CDC73: variants seen among roughly 807,000 people sequenced by gnomAD.
CDC73 encodes the protein cell division cycle 73.
CDC73 carries 21 observed loss-of-function variants against 83.7 expected under a neutral mutation model. The observed-to-expected ratio is 0.25, with a 90% confidence interval of 0.18 to 0.36. The LOEUF (loss-of-function observed/expected upper bound fraction) is 0.36, where lower values mean the gene tolerates loss of function less well. Ranked by LOEUF, CDC73 falls within the 10% of genes least tolerant of loss-of-function variation. The pLI is 1.00. For synonymous variants in CDC73, 224 were observed against 212.9 expected (o/e 1.05, Z -0.45); for missense variants, 342 against 653.3 (o/e 0.52, Z 5.19).
chr1:193,183,203 T>G (rs1676748870), intron 10 of CDC73, among the ~76,000 whole-genome samples: 1 of 151,688 alleles, frequency 6.6e-6, no homozygotes, highest in Admixed American at 6.6e-5. Context: ...TGAATGAAAG[T>G]GCTATTATAG....
Position 193,251,368 on chromosome 1 carries a change from G to T in CDC73, c.*656G>T, listed in dbSNP as rs1356246154. The stretch of plus-strand genomic sequence containing the variant: ...GTGATTTTGAAACCTAGAATGATGT[G>T]TTTCTATCTGTAATATCTTTCCATT... On this transcript the variant is annotated 3_prime_UTR_variant, in exon 17 of 17. Transcript: ENST00000367435. 4.3e-6 allele frequency: 1 copy of T among 231,788 alleles called. No homozygotes were observed. Among genetic ancestry groups the T allele is most frequent in the Non-Finnish European group, 8.6e-6 (1 of 116,944 alleles). 14.4% of individuals were successfully genotyped at this position (231,788 alleles called of 1,614,324 possible). A position where few individuals can be genotyped will look rare whatever the true frequency, so the allele number is the denominator to read the frequency against.
intron 10 of CDC73, among the ~76,000 whole-genome samples, chr1:193,199,031 C>G (rs1416309889): frequency 2.0e-5 from 3 of 151,910 alleles, no homozygotes; most frequent in African/African-American, 7.3e-5. Context: ...ATTTTATAGC[C>G]CTTTATCTGT....
At chr1:193,234,295 TATATA>T (rs1182867323) in intron 14 of CDC73, among the ~76,000 whole-genome samples, 3 of 139,588 alleles carry the variant, frequency 2.1e-5, no homozygotes, top group African/African-American at 5.3e-5. Context: ...ACATATTATA[TATATA>T]ATATAATTTA....
intron 10 of CDC73, among the ~76,000 whole-genome samples, chr1:193,154,867 A>G (rs1572163019): frequency 1.3e-5 from 2 of 152,220 alleles, no homozygotes; most frequent in South Asian, 4.2e-4. Context: ...TCCAGTCAAG[A>G]AAGTTTCTCC....
chr1:193,167,048 GTAT>G (rs1243166926), intron 10 of CDC73, among the ~76,000 whole-genome samples: 1 of 152,138 alleles, frequency 6.6e-6, no homozygotes, highest in African/African-American at 2.4e-5. Context: ...GAGATTTTAT[GTAT>G]TATTTCAAAA....
At chr1:193,248,580 TAAG>T (rs1677992357) in intron 15 of CDC73, among the ~76,000 whole-genome samples, 1 of 152,060 alleles carries the variant, frequency 6.6e-6, no homozygotes, top group South Asian at 2.1e-4. Context: ...TTTAATTTAA[TAAG>T]ATTTACCATT....
At chr1:193,214,142 T>G (rs1677322177) in intron 13 of CDC73, among the ~76,000 whole-genome samples, 1 of 152,236 alleles carries the variant, frequency 6.6e-6, no homozygotes, top group Non-Finnish European at 1.5e-5. Context: ...TTCTTAGTAC[T>G]GCCTACACTT....
chr1:193,243,793 CTGA>C (rs1677903177), intron 15 of CDC73, among the ~76,000 whole-genome samples: 1 of 151,932 alleles, frequency 6.6e-6, no homozygotes, highest in Non-Finnish European at 1.5e-5. Flanking sequence ...TAATTTATGT[CTGA>C]TGAAGAGACT....
At chr1:193,215,684 G>A (rs563897656) in intron 13 of CDC73, among the ~76,000 whole-genome samples, 8 of 151,674 alleles carry the variant, frequency 5.3e-5, no homozygotes, top group African/African-American at 1.9e-4. Context: ...CTGCCTCCTG[G>A]GCTCAAGCAA....
At chr1:193,215,240 A>G (rs1007442794) in intron 13 of CDC73, among the ~76,000 whole-genome samples, 1 of 152,230 alleles carries the variant, frequency 6.6e-6, no homozygotes, top group Non-Finnish European at 1.5e-5. Flanking sequence ...GAGAATGTAT[A>G]TAATAGTGAT....
At chr1:193,216,695 A>G (rs570922046) in intron 13 of CDC73, among the ~76,000 whole-genome samples, 4 of 152,300 alleles carry the variant, frequency 2.6e-5, no homozygotes, top group African/African-American at 9.6e-5. Flanking sequence ...TGCAAAAATC[A>G]ACAAAGTATT....
chr1:193,236,263 G>A lies in CDC73; in HGVS notation c.1324G>A (p.Val442Ile), dbSNP rs1677756402. 4 of 1,612,952 alleles carry A rather than the reference G, an allele frequency of 2.5e-6. No individual in the cohort carries two copies. The highest frequency in any genetic ancestry group is 3.4e-6 in the Non-Finnish European group (4 of 1,178,924). Residue 442 changes from valine (V) to isoleucine (I), a missense_variant, in exon 15 of 17, where the codon GTT becomes ATT. Val to Ile is a conservative substitution (Grantham distance 29). Coordinates refer to ENST00000367435, the MANE Select transcript of CDC73 (RefSeq NM_024529.5). ...LKLMPQDWDRVVAVFVQGPAW... is the reference protein window; with the variant it reads ...LKLMPQDWDRIVAVFVQGPAW... ...CCACTTTTCTACTTGTAGGGACCGC[G>A]TTGTAGCCGTTTTTGTGCAGGGTCC...
chr1:193,249,332 T>C (rs546256119), intron 15 of CDC73, among the ~76,000 whole-genome samples: 8 of 152,162 alleles, frequency 5.3e-5, no homozygotes, highest in Non-Finnish European at 1.0e-4. Context: ...TAATATAGAC[T>C]GTGATACAGT....
chr1:193,203,775 C>T lies in CDC73; in HGVS notation c.973-20C>T. 7 of 1,589,482 alleles carry T rather than the reference C, an allele frequency of 4.4e-6. No homozygotes were observed. The highest frequency in any genetic ancestry group is 6.0e-6 in the Non-Finnish European group (7 of 1,157,820). ...GTAAAGAAACTTTGATCTTATATAT[C>T]AATTCTTATTCTTTTAAAGGAGGGT... On this transcript the variant is annotated intron_variant, in intron 10 of 16. Coordinates refer to ENST00000367435, the MANE Select transcript of CDC73 (RefSeq NM_024529.5).
intron 10 of CDC73, among the ~76,000 whole-genome samples, chr1:193,160,808 A>G (rs898757350): frequency 1.3e-5 from 2 of 152,012 alleles, no homozygotes; most frequent in Non-Finnish European, 2.9e-5. Flanking sequence ...TTTATATGAA[A>G]AAAACCTAGT....
intron 10 of CDC73, among the ~76,000 whole-genome samples, chr1:193,203,044 A>G (rs542286211): frequency 1.3e-5 from 2 of 152,192 alleles, no homozygotes; most frequent in South Asian, 2.1e-4. Context: ...TACACTTGCA[A>G]CTTTCTATAA....
chr1:193,176,832 A>G (rs558944261), intron 10 of CDC73, among the ~76,000 whole-genome samples: 1 of 152,326 alleles, frequency 6.6e-6, no homozygotes, highest in Admixed American at 6.5e-5. Flanking sequence ...ACTTTTATCT[A>G]TTAAAAATTA....
At chr1:193,224,653 A>G (rs77298201) in intron 13 of CDC73, among the ~76,000 whole-genome samples, 11,535 of 152,250 alleles carry the variant, frequency 0.076, 634 homozygotes, top group Non-Finnish European at 0.11. Context: ...AATCATTCGC[A>G]TATACACATA....
chr1:193,211,957 A>T, intron 11 of CDC73, 108 bp from the exon 12 acceptor site: 2 of 790,774 alleles, frequency 2.5e-6, no homozygotes, highest in African/African-American at 1.7e-5. Flanking sequence ...ATTTACAGTT[A>T]GTCATATGGG....
Sources: allele counts gnomAD v4.1 joint callset (sites outside exome capture counted in the v4.1 genomes callset), GRCh38; gene constraint gnomAD v4.1.1; transcripts MANE v1.5; gene names NCBI Gene and HGNC (gene_info 2026-07-23, HGNC 2026-07-21).